The following DPF3 variants were observed in gnomAD, a reference collection of about 807,000 sequenced individuals.
DPF3 encodes the protein zinc finger protein DPF3.
Under a neutral mutation model 56.8 loss-of-function variants are expected in DPF3, and 18 were observed. The observed-to-expected ratio is 0.32, with a 90% CI of 0.22 to 0.47. DPF3 has a LOEUF of 0.47. Ranked by LOEUF, DPF3 falls within the 20% of genes least tolerant of loss-of-function variation. The pLI, the probability that DPF3 is intolerant of heterozygous loss-of-function variation, is 1.00. For missense variants in DPF3, 403 were observed against 488.8 expected, an observed-to-expected ratio of 0.82 and a Z score of 1.65; for synonymous variants, 188 against 180.2, an observed-to-expected ratio of 1.04 and a Z score of -0.35.
chr14:72,705,692 A>G (rs763512809), intron 6 of DPF3, among the ~76,000 whole-genome samples: 1 of 152,182 alleles, frequency 6.6e-6, no homozygotes, highest in Non-Finnish European at 1.5e-5. Flanking sequence ...CACATCCCAC[A>G]TTCCCTTCTC....
At chr14:72,873,879 C>T (rs566672215) in intron 1 of DPF3, among the ~76,000 whole-genome samples, 3 of 150,652 alleles carry the variant, frequency 2.0e-5, no homozygotes, top group African/African-American at 7.3e-5. Flanking sequence ...ACAATGAGAA[C>T]ACATGGACAC....
rs1886147913 is a variant in DPF3 at position 72,659,605 on chromosome 14, A to G, written c.871+14635T>C. Among the ~76,000 whole-genome samples the G allele has an allele frequency of 2.6e-5, 4 of 152,230 alleles. No homozygotes were observed. The South Asian group carries it at 8.3e-4, about 32-fold the overall frequency. On this transcript the variant is annotated intron_variant, in intron 8 of 10. Transcript: ENST00000556509. ...GAAAGCCCGAGTCATGAGGAAAGAC[A>G]CACTCTAGGTAGAAAGCACTGGCCC...
intron 8 of DPF3, among the ~76,000 whole-genome samples, chr14:72,648,773 G>A (rs936546658): frequency 3.3e-5 from 5 of 151,292 alleles, no homozygotes; most frequent in East Asian, 3.9e-4. Flanking sequence ...CTCTTGCATC[G>A]TCAATGTCTC....
At chr14:72,730,449 G>C (rs962840266) in intron 4 of DPF3, among the ~76,000 whole-genome samples, 1 of 152,156 alleles carries the variant, frequency 6.6e-6, no homozygotes, top group Non-Finnish European at 1.5e-5. Context: ...CTTAACACGG[G>C]AATGGCGGAG....
intron 8 of DPF3, among the ~76,000 whole-genome samples, chr14:72,650,316 C>A (rs1378855693): frequency 1.3e-5 from 2 of 152,186 alleles, no homozygotes; most frequent in Admixed American, 6.5e-5. Context: ...AGGCGAGGAT[C>A]TAGAAAGGCT....
intron 6 of DPF3, among the ~76,000 whole-genome samples, chr14:72,709,548 G>A (rs751539486): frequency 1.6e-4 from 24 of 152,272 alleles, no homozygotes; most frequent in Middle Eastern, 6.8e-3. Flanking sequence ...TAAGTTGTGC[G>A]TTCTCATTAA....
At chr14:72,831,773 T>C (rs1193391752) in intron 1 of DPF3, among the ~76,000 whole-genome samples, 2 of 152,312 alleles carry the variant, frequency 1.3e-5, no homozygotes, top group East Asian at 3.9e-4. Flanking sequence ...AGATGTGTGC[T>C]CACACAGGCA....
At chr14:72,712,435 A>G (rs1888694772) in intron 6 of DPF3, among the ~76,000 whole-genome samples, 1 of 152,146 alleles carries the variant, frequency 6.6e-6, no homozygotes, top group Non-Finnish European at 1.5e-5. Context: ...GAAGTCAGAG[A>G]AAAGGGCACA....
At chr14:72,705,841 G>T (rs1249124110) in intron 6 of DPF3, among the ~76,000 whole-genome samples, 1 of 152,206 alleles carries the variant, frequency 6.6e-6, no homozygotes, top group East Asian at 1.9e-4. Context: ...CACAATGTGG[G>T]AGGCAGCCTA....
chr14:72,667,355 G>GC (rs766935065), intron 8 of DPF3, among the ~76,000 whole-genome samples: 1 of 152,094 alleles, frequency 6.6e-6, no homozygotes, highest in African/African-American at 2.4e-5. Context: ...TAGGTCAACA[G>GC]CCCCCCTCCC....
Position 72,693,107 on chromosome 14 carries a change from G to C in DPF3, c.711C>G (p.Ser237=), listed in dbSNP as rs773442696. Residue 237 remains serine, a synonymous_variant, in exon 7 of 11, where the codon TCC becomes TCG. Coordinates refer to ENST00000556509, the MANE Select transcript of DPF3 (RefSeq NM_001280542.3). The part of the protein sequence containing the change: ...GDEAQDQETR[S]PPNHRNENHR... Reference sequence around the variant, plus strand: ...GGTTCTCATTTCTGTGGTTGGGTGGGGACCGAGTCTCCTGGTCTTGAGCTT... The same window carrying C: ...GGTTCTCATTTCTGTGGTTGGGTGGCGACCGAGTCTCCTGGTCTTGAGCTT... 1.9e-6 allele frequency: 3 copies of C among 1,614,014 alleles called. No homozygotes were observed. The East Asian group carries it at 6.7e-5, about 36-fold the overall frequency.
chr14:72,710,028 A>T (rs1455049849), intron 6 of DPF3, among the ~76,000 whole-genome samples: 1 of 152,234 alleles, frequency 6.6e-6, no homozygotes, highest in Non-Finnish European at 1.5e-5. Flanking sequence ...GTTCTCCCTG[A>T]ATATCACAAC....
At chr14:72,852,636 G>A (rs147738715) in intron 1 of DPF3, among the ~76,000 whole-genome samples, 1 of 152,264 alleles carries the variant, frequency 6.6e-6, no homozygotes, top group East Asian at 1.9e-4. Flanking sequence ...ACATTTATTC[G>A]ACCTTTAATA....
At chr14:72,640,075 A>AAAAAAAAAAAAAAG (rs1885507740) in intron 8 of DPF3, among the ~76,000 whole-genome samples, 1 of 118,174 alleles carries the variant, frequency 8.5e-6, no homozygotes. Flanking sequence ...AAAAAAAAAA[A>AAAAAAAAAAAAAAG]AAAAATGGAA....
At chr14:72,701,969 C>T (rs773157068) in intron 6 of DPF3, among the ~76,000 whole-genome samples, 3 of 152,226 alleles carry the variant, frequency 2.0e-5, no homozygotes, top group Non-Finnish European at 2.9e-5. Context: ...GGCATCACAC[C>T]TACCATCAGG....
At chr14:72,760,214 T>C (rs1474670454) in intron 2 of DPF3, among the ~76,000 whole-genome samples, 1 of 152,212 alleles carries the variant, frequency 6.6e-6, no homozygotes, top group Non-Finnish European at 1.5e-5. Flanking sequence ...CTCATACCTG[T>C]AATCCCAACA....
At chr14:72,731,757 G>A (rs769310357) in intron 4 of DPF3, 50 bp downstream of exon 4, 12 of 1,609,084 alleles carry the variant, frequency 7.5e-6, no homozygotes, top group East Asian at 4.5e-5. Flanking sequence ...TTCTGGAAGC[G>A]CTATGGTGAC....
intron 8 of DPF3, among the ~76,000 whole-genome samples, chr14:72,638,654 G>A (rs1217676540): frequency 1.3e-5 from 2 of 152,132 alleles, no homozygotes. Context: ...CTTTGAAGTA[G>A]CATTCTAATT....
At chr14:72,734,279 T>G (rs1335913765) in intron 3 of DPF3, among the ~76,000 whole-genome samples, 1 of 152,254 alleles carries the variant, frequency 6.6e-6, no homozygotes, top group East Asian at 1.9e-4. Flanking sequence ...TAACGGGGTC[T>G]ACCTTAGATC....
Sources: gnomAD v4.1 joint callset for allele counts (sites outside exome capture counted in the v4.1 genomes callset) on GRCh38, gnomAD v4.1.1 for gene constraint, MANE v1.5 for transcripts, NCBI Gene and HGNC (gene_info 2026-07-23, HGNC 2026-07-21) for gene names.